The following MYO16 variants were observed in gnomAD, a reference collection of about 807,000 sequenced individuals.
MYO16 encodes unconventional myosin-XVI.
In MYO16, 94 loss-of-function variants were observed where a neutral mutation model predicts 205.3. That is an observed-to-expected ratio of 0.46 (90% confidence interval 0.39 to 0.54). The LOEUF (loss-of-function observed/expected upper bound fraction) is 0.54, where lower values mean the gene tolerates loss of function less well. MYO16 is among the 20% of genes least tolerant of loss of function. The probability of loss-of-function intolerance (pLI) is 0.00; values close to 1 mark genes in which losing one functional copy is unlikely to be tolerated. For synonymous variants in MYO16, 988 were observed against 954.0 expected (o/e 1.04, Z -0.66); for missense variants, 2,315 against 2,387.5 (o/e 0.97, Z 0.63).
At chr13:108,653,982 A>C (rs924233513) in intron 1 of MYO16, among the ~76,000 whole-genome samples, 3 of 152,130 alleles carry the variant, frequency 2.0e-5, no homozygotes, top group African/African-American at 7.2e-5. Context: ...GTCTATTATC[A>C]TTCCAATCCA....
chr13:108,636,348 TTTTTTTTTTTTTTTTTTTTTTTGTGTG>T (rs1361504583), intron 1 of MYO16, among the ~76,000 whole-genome samples: 1 of 21,822 alleles, frequency 4.6e-5, no homozygotes, highest in Non-Finnish European at 6.9e-5. Context: ...ATATTTCCCT[TTTTTTTTTTTTTTTTTTTTTTTGTGTG>T]TGTGTGTGTG....
chr13:109,025,420 A>G (rs1250128743), intron 23 of MYO16, among the ~76,000 whole-genome samples: 6 of 152,196 alleles, frequency 3.9e-5, no homozygotes, highest in African/African-American at 7.2e-5. Flanking sequence ...TAGGAGCACA[A>G]TATATTTTCC....
intron 32 of MYO16, among the ~76,000 whole-genome samples, chr13:109,143,097 G>C (rs1475193522): frequency 6.6e-6 from 1 of 152,058 alleles, no homozygotes. Flanking sequence ...GGGTTAAGTG[G>C]TAGGATTGGA....
intron 1 of MYO16, among the ~76,000 whole-genome samples, chr13:108,635,747 G>A (rs1163127756): frequency 3.3e-5 from 5 of 152,036 alleles, no homozygotes; most frequent in Non-Finnish European, 5.9e-5. Context: ...GGATCCACCC[G>A]CCTCAGCCTC....
At chr13:108,991,934 T>A (rs1425612776) in intron 20 of MYO16, among the ~76,000 whole-genome samples, 2 of 152,228 alleles carry the variant, frequency 1.3e-5, no homozygotes, top group Admixed American at 6.5e-5. Flanking sequence ...TCTTGTTTTT[T>A]AAAATTTTTA....
At chr13:108,838,678 A>AT (rs1555304221) in intron 9 of MYO16, among the ~76,000 whole-genome samples, 3,648 of 124,518 alleles carry the variant, frequency 0.029, 142 homozygotes, top group African/African-American at 0.085. Flanking sequence ...AAAAAAAAAA[A>AT]ATATATATAT....
chr13:109,007,466 T>C (rs1885433523), intron 21 of MYO16, among the ~76,000 whole-genome samples: 1 of 151,532 alleles, frequency 6.6e-6, no homozygotes, highest in Admixed American at 6.6e-5. Flanking sequence ...CGCCATGGTG[T>C]CAAAAGTTTT....
chr13:108,561,312 G>A, the MYO16 span, among the ~76,000 whole-genome samples: 57 of 152,294 alleles, frequency 3.7e-4, no homozygotes, highest in Non-Finnish European at 6.9e-4. Flanking sequence ...ACTTGTTTAC[G>A]TAACAGAAAC....
At chr13:109,137,944 A>G (rs916050442) in intron 31 of MYO16, among the ~76,000 whole-genome samples, 5 of 152,158 alleles carry the variant, frequency 3.3e-5, no homozygotes, top group African/African-American at 4.8e-5. Flanking sequence ...ATCACATTCT[A>G]ACATACTGTA....
At chr13:109,035,504 C>A (rs556082528) in intron 23 of MYO16, among the ~76,000 whole-genome samples, 65 of 152,026 alleles carry the variant, frequency 4.3e-4, no homozygotes, top group African/African-American at 1.4e-3. Context: ...GCCAACATGG[C>A]AAAACCCTGT....
chr13:109,158,377 C>G (rs1359697734), intron 32 of MYO16, among the ~76,000 whole-genome samples: 2 of 152,232 alleles, frequency 1.3e-5, no homozygotes, highest in Non-Finnish European at 2.9e-5. Flanking sequence ...TTCTCGCCTT[C>G]CATCCTACCT....
chr13:108,971,374 T>G (rs765409236), intron 20 of MYO16, among the ~76,000 whole-genome samples: 1 of 136,352 alleles, frequency 7.3e-6, no homozygotes, highest in African/African-American at 2.6e-5. Context: ...TATATATATA[T>G]ACACATATAA....
At chr13:108,834,668 T>A (rs9559420) in intron 9 of MYO16, among the ~76,000 whole-genome samples, 4,775 of 31,308 alleles carry the variant, frequency 0.15, 841 homozygotes, top group East Asian at 0.59. Context: ...TCTCTCTCTC[T>A]CACACATATA....
chr13:109,200,683 C>CT (rs529830670), intron 34 of MYO16, among the ~76,000 whole-genome samples: 7,887 of 134,664 alleles, frequency 0.059, 220 homozygotes, highest in South Asian at 0.089. Flanking sequence ...GGATCTGGGA[C>CT]TTTTTTTTTT....
intron 10 of MYO16, among the ~76,000 whole-genome samples, chr13:108,846,838 C>G (rs2139078559): frequency 6.6e-6 from 1 of 151,888 alleles, no homozygotes; most frequent in Admixed American, 6.5e-5. Flanking sequence ...TAATTGATTT[C>G]CTACTGTTCA....
At chr13:108,850,339 T>C (rs75800927) in intron 10 of MYO16, among the ~76,000 whole-genome samples, 29,815 of 152,262 alleles carry the variant, frequency 0.2, 3,696 homozygotes, top group Non-Finnish European at 0.26. Context: ...GTCCACACAA[T>C]GGAGACGAGG....
chr13:108,570,246 T>TATTC, the MYO16 span, among the ~76,000 whole-genome samples: 1 of 152,088 alleles, frequency 6.6e-6, no homozygotes, highest in African/African-American at 2.4e-5. Context: ...CCTTTTCCTT[T>TATTC]TTTCTTTCTT....
At chr13:108,685,977 C>T (rs763380514) in intron 2 of MYO16, among the ~76,000 whole-genome samples, 7 of 152,188 alleles carry the variant, frequency 4.6e-5, no homozygotes, top group Non-Finnish European at 1.0e-4. Flanking sequence ...TTTGAATAAA[C>T]GGTCACTTTC....
the MYO16 span, among the ~76,000 whole-genome samples, chr13:108,549,027 T>A: frequency 5.3e-5 from 8 of 152,140 alleles, no homozygotes; most frequent in Non-Finnish European, 4.4e-5. Context: ...TGTGTTCAGA[T>A]TGCACTGAAC....
Sources: gnomAD v4.1 joint callset for allele counts (sites outside exome capture counted in the v4.1 genomes callset) on GRCh38, gnomAD v4.1.1 for gene constraint, MANE v1.5 for transcripts, NCBI Gene and HGNC (gene_info 2026-07-23, HGNC 2026-07-21) for gene names.